The following PSMA6 variants were observed in gnomAD, a reference collection of about 807,000 sequenced individuals.
The protein encoded by PSMA6 is proteasome subunit alpha type-6.
For missense variants in PSMA6, 170 were observed against 294.8 expected, an observed-to-expected ratio of 0.58 and a Z score of 3.10; for synonymous variants, 88 against 97.7, an observed-to-expected ratio of 0.90 and a Z score of 0.59.
chr14:35,286,748 A>G (rs1487757339), intron 1 of PSMA6, among the ~76,000 whole-genome samples: 5 of 152,148 alleles, frequency 3.3e-5, no homozygotes, highest in Non-Finnish European at 7.3e-5. Flanking sequence ...GCCCAGAACC[A>G]CACTGACTGG....
At chr14:35,284,531 T>C (rs2051401074) in intron 1 of PSMA6, among the ~76,000 whole-genome samples, 1 of 152,200 alleles carries the variant, frequency 6.6e-6, no homozygotes, top group Admixed American at 6.5e-5. Context: ...GCTGTCGGGT[T>C]CATCTGTGTG....
chr14:35,290,093 C>G (rs778917652), upstream of PSMA6, among the ~76,000 whole-genome samples: 1 of 152,022 alleles, frequency 6.6e-6, no homozygotes, highest in Non-Finnish European at 1.5e-5. Flanking sequence ...AGTTCTCTTT[C>G]AAACGTGGGG....
At chr14:35,312,595 T>C in intron 4 of PSMA6, 1 of 375,684 alleles carries the variant, frequency 2.7e-6, no homozygotes, top group Non-Finnish European at 4.7e-6. Flanking sequence ...ATAAACATGC[T>C]TGGATAACAG....
chr14:35,307,798 T>C (rs761253580), intron 1 of PSMA6, among the ~76,000 whole-genome samples, 196 bp from the exon 2 acceptor site: 1 of 152,144 alleles, frequency 6.6e-6, no homozygotes, highest in Non-Finnish European at 1.5e-5. Flanking sequence ...TTCAGTAAAA[T>C]GAAAATGGAA....
rs2051423003 is a variant in PSMA6, at chr14:35,286,484, CAAG to C, written c.19+7770_19+7772del. Among the ~76,000 whole-genome samples the C allele has an allele frequency of 2.0e-5, 3 of 152,168 alleles. No homozygotes were observed. The South Asian group carries it at 6.2e-4, about 32-fold the overall frequency. Reference sequence around the variant, plus strand: ...TTTCAAAGTCCTTGGCTTCCAGAAACAAGAAGCTGAGCATCGGGTTTTCATTTA... The same window carrying C: ...TTTCAAAGTCCTTGGCTTCCAGAAACAAGCTGAGCATCGGGTTTTCATTTA... On this transcript the variant is annotated intron_variant, in intron 1 of 6. Coordinates refer to the PSMA6 transcript ENST00000540871.
At chr14:35,307,742 A>G (rs1236939289) in intron 1 of PSMA6, among the ~76,000 whole-genome samples, 1 of 152,198 alleles carries the variant, frequency 6.6e-6, no homozygotes, top group Non-Finnish European at 1.5e-5. Flanking sequence ...TAAAAAAAGA[A>G]AAAAACTTTA....
chr14:35,279,845 C>T (rs2051345729), intron 1 of PSMA6, among the ~76,000 whole-genome samples: 1 of 152,238 alleles, frequency 6.6e-6, no homozygotes, highest in South Asian at 2.1e-4. Flanking sequence ...ACTTTTCGGG[C>T]CGGGCGTGGT....
chr14:35,307,540 C>A (rs1159987561), intron 1 of PSMA6, among the ~76,000 whole-genome samples: 1 of 152,062 alleles, frequency 6.6e-6, no homozygotes, highest in East Asian at 1.9e-4. Context: ...TCAAGACTAG[C>A]CTGGCCAACA....
chr14:35,300,838 C>G (rs1269571908), intron 1 of PSMA6, among the ~76,000 whole-genome samples: 1 of 152,014 alleles, frequency 6.6e-6, no homozygotes, highest in African/African-American at 2.4e-5. Context: ...GAGTGATAAC[C>G]CAGGTTTGTA....
intron 4 of PSMA6, 160 bp from the exon 5 acceptor site, chr14:35,312,721 G>A: frequency 3.7e-6 from 2 of 543,004 alleles, no homozygotes; most frequent in South Asian, 6.6e-5. Flanking sequence ...ATTTACCTGT[G>A]GTGATAACCT....
At chr14:35,312,815 AC>A in intron 4 of PSMA6, 65 bp from the exon 5 acceptor site, 1 of 1,406,032 alleles carries the variant, frequency 7.1e-7, no homozygotes, top group Non-Finnish European at 9.6e-7. Context: ...ATGTGACACC[AC>A]CAAGAAAGAG....
intron 1 of PSMA6, among the ~76,000 whole-genome samples, chr14:35,300,990 A>G (rs933789061): frequency 2.0e-5 from 3 of 152,236 alleles, no homozygotes; most frequent in Admixed American, 1.3e-4. Context: ...ATTTGTAATT[A>G]TAAGTCCAGA....
upstream of PSMA6, among the ~76,000 whole-genome samples, chr14:35,291,144 A>AC (rs1284129856): frequency 6.6e-6 from 1 of 150,918 alleles, no homozygotes; most frequent in Non-Finnish European, 1.5e-5. Context: ...GGCGCGCGCC[A>AC]CCACGCACAG....
At chr14:35,278,939 A>G (rs1340081776) in intron 1 of PSMA6, among the ~76,000 whole-genome samples, 1 of 151,850 alleles carries the variant, frequency 6.6e-6, no homozygotes. Flanking sequence ...TTGTTTTTCT[A>G]TACATATATA....
chr14:35,284,682 G>T (rs6571709), intron 1 of PSMA6, among the ~76,000 whole-genome samples: 22,424 of 152,090 alleles, frequency 0.15, 3,154 homozygotes, highest in African/African-American at 0.36. Context: ...TACCCCTCTT[G>T]CTCCTTGGTC....
In PSMA6 at chr14:35,312,926, A is replaced by G. The variant is rs761631086; in HGVS notation, c.455A>G (p.Tyr152Cys). The G allele has an allele frequency of 1.3e-6, 2 of 1,596,906 alleles. No homozygotes were observed. Among genetic ancestry groups the G allele is most frequent in the Non-Finnish European group, 1.7e-6 (2 of 1,173,990 alleles). Residue 152 changes from tyrosine (Y) to cysteine (C), a missense_variant, in exon 5 of 7, where the codon TAT (tyrosine) becomes TGT (cysteine). By Grantham distance (194) the Tyr-to-Cys change is radical. Transcript: ENST00000261479. The part of the protein sequence containing the change: ...GIDEEQGPQV[Y>C]KCDPAGYYCG... ...GATGAAGAGCAAGGCCCTCAGGTATATAAGTGTGATCCTGCAGGTTACTAC... is the reference window on the plus strand; with the variant it reads ...GATGAAGAGCAAGGCCCTCAGGTATGTAAGTGTGATCCTGCAGGTTACTAC...
At chr14:35,300,046 GCAATATTTTGAA>G (rs2051681150) in intron 1 of PSMA6, among the ~76,000 whole-genome samples, 4 of 152,148 alleles carry the variant, frequency 2.6e-5, no homozygotes, top group Non-Finnish European at 5.9e-5. Context: ...GTAAATTATA[GCAATATTTTGAA>G]GGGGCTTGAG....
At chr14:35,293,921 T>A (rs1005596020) in intron 1 of PSMA6, among the ~76,000 whole-genome samples, 13 of 152,386 alleles carry the variant, frequency 8.5e-5, no homozygotes, top group Admixed American at 8.5e-4. Flanking sequence ...AGCATAATCG[T>A]TAATGCTTCC....
intron 1 of PSMA6, among the ~76,000 whole-genome samples, chr14:35,294,366 A>G (rs566375421): frequency 4.5e-4 from 69 of 152,338 alleles, no homozygotes; most frequent in African/African-American, 1.6e-3. Flanking sequence ...TCTGTGAATA[A>G]CACACTCCCT....
Sources: allele counts gnomAD v4.1 joint callset (sites outside exome capture counted in the v4.1 genomes callset), GRCh38; gene constraint gnomAD v4.1.1; transcripts MANE v1.5; gene names NCBI Gene and HGNC (gene_info 2026-07-23, HGNC 2026-07-21).